ANOS1: variants seen among roughly 807,000 people sequenced by gnomAD.
ANOS1 encodes the protein anosmin-1.
Under a neutral mutation model 59.0 loss-of-function variants are expected in ANOS1, and 6 were observed. The ratio of observed to expected loss-of-function variants is 0.10; its 90% confidence interval spans 0.06 to 0.20. The LOEUF (loss-of-function observed/expected upper bound fraction) is 0.20, where lower values mean the gene tolerates loss of function less well. Among genes scored for constraint, ANOS1 ranks in the 10% least tolerant of loss-of-function variants. The pLI, the probability that ANOS1 is intolerant of heterozygous loss-of-function variation, is 1.00. For synonymous variants in ANOS1, 217 were observed against 223.4 expected (o/e 0.97, Z 0.25); for missense variants, 433 against 542.3 (o/e 0.80, Z 2.00).
At chrX:8,633,049 G>T (rs1359233911) in intron 2 of ANOS1, among the ~76,000 whole-genome samples, 2 of 111,526 alleles carry the variant, frequency 1.8e-5, no homozygotes, top group Non-Finnish European at 3.8e-5. Context: ...AATCCTGTGT[G>T]TCGAAAAGTG....
At chrX:8,619,615 A>G (rs911851003) in intron 3 of ANOS1, among the ~76,000 whole-genome samples, 4 of 112,164 alleles carry the variant, frequency 3.6e-5, no homozygotes, top group African/African-American at 1.3e-4. Flanking sequence ...AAAAGAAAAA[A>G]AAGAAAAAGA....
At chrX:8,587,010 G>T (rs1318065525) in intron 5 of ANOS1, among the ~76,000 whole-genome samples, 1 of 108,437 alleles carries the variant, frequency 9.2e-6, no homozygotes, top group Non-Finnish European at 1.9e-5. Flanking sequence ...TCAACATAAG[G>T]TGAGATTTTT....
At chrX:8,590,324 C>T (rs1930594356) in intron 4 of ANOS1, among the ~76,000 whole-genome samples, 2 of 110,299 alleles carry the variant, frequency 1.8e-5, no homozygotes, top group African/African-American at 3.3e-5. Flanking sequence ...CTTAATAATA[C>T]CATGGCCTGT....
chrX:8,699,664 T>C lies in ANOS1; in HGVS notation c.255+34A>G, dbSNP rs370756561. ...TATAATTATTCCAAAATTAAAAGTT[T>C]TTTGCACCATTCATACAGGTATAGG... On this transcript the variant is annotated intron_variant, in intron 2 of 13. Transcript: ENST00000262648. The C allele has an allele frequency of 3.7e-4, 420 of 1,121,879 alleles. 2 individuals are homozygous for C. The highest frequency in any genetic ancestry group is 5.8e-5 in the Non-Finnish European group (48 of 823,952). 92.5% of individuals were successfully genotyped at this position (1,121,879 alleles called of 1,213,427 possible).
intron 2 of ANOS1, among the ~76,000 whole-genome samples, chrX:8,685,592 GAAA>G (rs1345632094): frequency 4.5e-5 from 3 of 66,011 alleles, no homozygotes; most frequent in African/African-American, 1.9e-4. Flanking sequence ...GAAAGAGAAA[GAAA>G]GGAAGAAAGA....
At chrX:8,695,334 G>T (rs1332821955) in intron 2 of ANOS1, among the ~76,000 whole-genome samples, 1 of 111,747 alleles carries the variant, frequency 8.9e-6, no homozygotes, top group Non-Finnish European at 1.9e-5. Context: ...TAAATGGTTT[G>T]CCCTGAATCA....
Position 8,725,164 on chromosome X carries a change from T to A in ANOS1, c.207+6666A>T, listed in dbSNP as rs759244843. ...AAAATGCCTTTTGATAATATGGATA[T>A]GCTTCATTAATTGCTGTCCCAAACC... On this transcript the variant is annotated intron_variant, in intron 1 of 13. Transcript: ENST00000262648. 1.3e-4 allele frequency among the ~76,000 whole-genome samples: 14 copies of A among 111,650 alleles called. No homozygotes were observed. In the East Asian group the frequency reaches 3.9e-3, roughly 31 times the overall value.
intron 1 of ANOS1, among the ~76,000 whole-genome samples, chrX:8,717,253 G>C (rs1932846751): frequency 8.9e-6 from 1 of 112,252 alleles, no homozygotes; most frequent in East Asian, 2.8e-4. Context: ...AAGTGAACTA[G>C]AGTATGCAAA....
At chrX:8,615,015 T>G (rs1163921950) in intron 3 of ANOS1, among the ~76,000 whole-genome samples, 1 of 83,921 alleles carries the variant, frequency 1.2e-5, no homozygotes, top group Non-Finnish European at 2.5e-5. Context: ...AAAGAATATC[T>G]CATAATAATT....
Position 8,535,751 on chromosome X carries a change from T to C in ANOS1, c.1682A>G (p.Gln561Arg), listed in dbSNP as rs1601944765. The C allele has an allele frequency of 1.7e-6, 2 of 1,212,081 alleles. No homozygotes were observed. The highest frequency in any genetic ancestry group is 2.2e-6 in the Non-Finnish European group (2 of 895,470). ...AAAGTGACCGGTGATGTTCACATCC[T>C]GGACGATGAATGAAGCAGAAAGGTT... ...PENLSASFIV[Q>R]DVNITGHFSW... Residue 561 changes from glutamine to arginine, a missense_variant, in exon 12 of 14, where the codon CAG (glutamine) becomes CGG (arginine). Coordinates refer to ENST00000262648, the MANE Select transcript of ANOS1 (RefSeq NM_000216.4).
intron 2 of ANOS1, among the ~76,000 whole-genome samples, chrX:8,627,191 A>G (rs1418759637): frequency 8.9e-6 from 1 of 112,546 alleles, no homozygotes; most frequent in Non-Finnish European, 1.9e-5. Flanking sequence ...AACGTCTGAA[A>G]ATAAGCATGT....
chrX:8,556,202 A>G (rs1029649314), intron 8 of ANOS1, among the ~76,000 whole-genome samples: 1 of 112,208 alleles, frequency 8.9e-6, no homozygotes, highest in African/African-American at 3.2e-5. Context: ...AGAGCTATTG[A>G]TGACAAACCC....
chrX:8,657,417 G>C (rs1022487699), intron 2 of ANOS1, among the ~76,000 whole-genome samples: 1 of 109,729 alleles, frequency 9.1e-6, no homozygotes, highest in Non-Finnish European at 1.9e-5. Flanking sequence ...CTGAACTTGT[G>C]GTTGGGCAGA....
At chrX:8,666,967 C>G (rs1932152011) in intron 2 of ANOS1, among the ~76,000 whole-genome samples, 2 of 111,674 alleles carry the variant, frequency 1.8e-5, no homozygotes, top group African/African-American at 6.5e-5. Context: ...TAGGAATAGC[C>G]AGGGAGAAAA....
At chrX:8,668,856 G>A (rs1439738479) in intron 2 of ANOS1, among the ~76,000 whole-genome samples, 1 of 111,188 alleles carries the variant, frequency 9.0e-6, no homozygotes, top group African/African-American at 3.3e-5. Context: ...CAAACACATC[G>A]TTTGACTGAT....
intron 4 of ANOS1, among the ~76,000 whole-genome samples, chrX:8,588,185 CT>C (rs908038115): frequency 9.1e-6 from 1 of 110,439 alleles, no homozygotes; most frequent in Non-Finnish European, 1.9e-5. Context: ...TTTAACTTGT[CT>C]TTTTTTTCTT....
At chrX:8,666,875 C>G (rs138907379) in intron 2 of ANOS1, among the ~76,000 whole-genome samples, 2 of 111,268 alleles carry the variant, frequency 1.8e-5, no homozygotes, top group Non-Finnish European at 3.8e-5. Flanking sequence ...CTTGTATGCC[C>G]CAGGATGAGG....
chrX:8,691,699 C>T (rs141701757), intron 2 of ANOS1, among the ~76,000 whole-genome samples: 392 of 112,291 alleles, frequency 3.5e-3, no homozygotes, highest in African/African-American at 0.012. Context: ...AATTTTCTAC[C>T]ATTTGCAGAG....
intron 1 of ANOS1, among the ~76,000 whole-genome samples, chrX:8,720,789 G>A (rs965583855): frequency 1.8e-5 from 2 of 111,117 alleles, no homozygotes; most frequent in African/African-American, 3.3e-5. Context: ...AGCCAGGTAC[G>A]GGGGTGTAAC....
Sources: gnomAD v4.1 joint callset for allele counts (sites outside exome capture counted in the v4.1 genomes callset) on GRCh38, gnomAD v4.1.1 for gene constraint, MANE v1.5 for transcripts, NCBI Gene and HGNC (gene_info 2026-07-23, HGNC 2026-07-21) for gene names.